PLXNA4: variants seen among roughly 807,000 people sequenced by gnomAD.
PLXNA4 encodes plexin-A4.
In PLXNA4, 44 loss-of-function variants were observed where a neutral mutation model predicts 191.8. That is an observed-to-expected ratio of 0.23 (90% CI 0.18 to 0.29). PLXNA4 has a LOEUF of 0.29. Among genes scored for constraint, PLXNA4 ranks in the 10% least tolerant of loss-of-function variants. The probability of loss-of-function intolerance (pLI) is 1.00; values close to 1 mark genes in which losing one functional copy is unlikely to be tolerated. For synonymous variants in PLXNA4, 1,082 were observed against 1,009.5 expected (o/e 1.07, Z -1.36); for missense variants, 1,800 against 2,488.8 (o/e 0.72, Z 5.89).
chr7:132,521,199 AAAAT>A (rs1799167911), intron 1 of PLXNA4, among the ~76,000 whole-genome samples: 1 of 151,726 alleles, frequency 6.6e-6, no homozygotes. Context: ...AAAAAAAAAA[AAAAT>A]TCAGAATGAC....
At chr7:132,399,209 G>A (rs992902550) in intron 3 of PLXNA4, among the ~76,000 whole-genome samples, 11 of 152,100 alleles carry the variant, frequency 7.2e-5, no homozygotes, top group Admixed American at 2.0e-4. Flanking sequence ...TCAAATGGGC[G>A]CAAGGGCTCA....
intron 3 of PLXNA4, among the ~76,000 whole-genome samples, chr7:132,342,818 G>T (rs1803082615): frequency 6.6e-6 from 1 of 151,902 alleles, no homozygotes; most frequent in Non-Finnish European, 1.5e-5. Flanking sequence ...ATGGTGCTGG[G>T]CACCTGTAAT....
chr7:132,161,494 T>A (rs571335792), intron 24 of PLXNA4, among the ~76,000 whole-genome samples: 2 of 152,312 alleles, frequency 1.3e-5, no homozygotes, highest in African/African-American at 2.4e-5. Context: ...CAAACGCTAA[T>A]GTGAATAGAA....
chr7:132,621,269 T>G lies in PLXNA4; in HGVS notation c.-87+24659A>C, dbSNP rs898035694. On this transcript the variant is annotated intron_variant, in intron 2 of 4. Coordinates refer to the PLXNA4 transcript ENST00000378539. ...TTGTTTTTTTTTTTTGGTTTTTTTGTTTTTTTTTTTAGATGGAGTCTCACT... is the reference window on the plus strand; with the variant it reads ...TTGTTTTTTTTTTTTGGTTTTTTTGGTTTTTTTTTTAGATGGAGTCTCACT... Among the ~76,000 whole-genome samples the G allele has an allele frequency of 8.9e-5, 9 of 101,070 alleles. 1 individual carries two copies. The highest frequency in any genetic ancestry group is 3.9e-4 in the African/African-American group (9 of 22,824). 66.3% of individuals were successfully genotyped at this position (101,070 alleles called of 152,430 possible).
chr7:132,591,884 C>A (rs903102622), intron 2 of PLXNA4, among the ~76,000 whole-genome samples: 18 of 152,124 alleles, frequency 1.2e-4, no homozygotes, highest in Non-Finnish European at 2.4e-4. Flanking sequence ...GGATTACAGG[C>A]GCTGCATCCT....
intron 3 of PLXNA4, among the ~76,000 whole-genome samples, chr7:132,452,278 G>T (rs193047306): frequency 6.6e-6 from 1 of 152,182 alleles, no homozygotes; most frequent in Non-Finnish European, 1.5e-5. Context: ...AGCATGGAGA[G>T]ATGGAAGAGA....
At chr7:132,461,621 C>T (rs556045726) in intron 3 of PLXNA4, among the ~76,000 whole-genome samples, 1 of 152,308 alleles carries the variant, frequency 6.6e-6, no homozygotes, top group East Asian at 1.9e-4. Context: ...CATCCATATC[C>T]TAATAAATGT....
chr7:132,625,266 C>T (rs1803348606), intron 2 of PLXNA4, among the ~76,000 whole-genome samples: 1 of 152,126 alleles, frequency 6.6e-6, no homozygotes, highest in Non-Finnish European at 1.5e-5. Flanking sequence ...AAAGCCCCTC[C>T]AGCCCAGCAC....
Position 132,130,517 on chromosome 7 carries a change from G to T in PLXNA4, c.5647C>A (p.Leu1883Ile). 5 of 1,614,210 alleles carry T rather than the reference G, an allele frequency of 3.1e-6. No individual in the cohort carries two copies. Among genetic ancestry groups the T allele is most frequent in the Non-Finnish European group, 4.2e-6 (5 of 1,180,046 alleles). Residue 1883 changes from leucine (L) to isoleucine (I), a missense_variant, in exon 32 of 32, where the codon CTA becomes ATA. Transcript: ENST00000321063. ...QCGKQKLAYK[L>I]EQVITLMSLD... ...CTCATGAGGGTTATGACTTGTTCTAGTTTGTAGGCCAGTTTCTGCTTCCCA... is the reference window on the plus strand; with the variant it reads ...CTCATGAGGGTTATGACTTGTTCTATTTTGTAGGCCAGTTTCTGCTTCCCA...
intron 3 of PLXNA4, among the ~76,000 whole-genome samples, chr7:132,470,217 A>G (rs958655997): frequency 6.6e-6 from 1 of 152,178 alleles, no homozygotes; most frequent in South Asian, 2.1e-4. Context: ...CAAGAGGGAG[A>G]GCTGACAGTT....
chr7:132,184,183 G>A (rs1289002893), intron 16 of PLXNA4, among the ~76,000 whole-genome samples: 1 of 152,202 alleles, frequency 6.6e-6, no homozygotes, highest in Non-Finnish European at 1.5e-5. Context: ...CCTGAGAACT[G>A]AAGCTGACAG....
intron 10 of PLXNA4, 92 bp from the exon 11 acceptor site, chr7:132,203,511 C>G: frequency 8.9e-7 from 1 of 1,127,916 alleles, no homozygotes; most frequent in Non-Finnish European, 1.3e-6. Context: ...CCGTTAAGAG[C>G]TCACAGGCTA....
At chr7:132,177,037 A>G (rs1383451066) in intron 20 of PLXNA4, among the ~76,000 whole-genome samples, 1 of 144,230 alleles carries the variant, frequency 6.9e-6, no homozygotes, top group Admixed American at 6.9e-5. Context: ...GTGTAAGTAT[A>G]TGTCAGTGTG....
rs955009605 is a variant in PLXNA4 at position 132,416,830 on chromosome 7, G to C, written c.1371+72462C>G. 3.9e-5 allele frequency among the ~76,000 whole-genome samples: 6 copies of C among 152,272 alleles called. 1 individual carries two copies. The South Asian group carries it at 6.2e-4, about 16-fold the overall frequency. Reference sequence around the variant, plus strand: ...TGTTTGGCTGGATGGAAGAGTGGATGGATGACACCTAACAGTTCTTCAACC... The same window carrying C: ...TGTTTGGCTGGATGGAAGAGTGGATCGATGACACCTAACAGTTCTTCAACC... On this transcript the variant is annotated intron_variant, in intron 3 of 31. Transcript: ENST00000321063.
chr7:132,365,360 T>TGTGTGTGTGTGTGCGCGCGCGC, intron 3 of PLXNA4, among the ~76,000 whole-genome samples: 3 of 128,828 alleles, frequency 2.3e-5, no homozygotes, highest in South Asian at 2.4e-4. Flanking sequence ...TGTGTGTGTG[T>TGTGTGTGTGTGTGCGCGCGCGC]GCGTGCGCGC....
intron 3 of PLXNA4, among the ~76,000 whole-genome samples, chr7:132,314,295 C>G (rs145427709): frequency 6.6e-6 from 1 of 152,260 alleles, no homozygotes; most frequent in East Asian, 1.9e-4. Context: ...ATTAAAAATC[C>G]AGAAATACCT....
intron 3 of PLXNA4, among the ~76,000 whole-genome samples, chr7:132,389,620 G>A (rs1365464202): frequency 6.6e-6 from 1 of 152,160 alleles, no homozygotes; most frequent in African/African-American, 2.4e-5. Flanking sequence ...CTGTTCCATT[G>A]GTCTAGATAT....
chr7:132,578,581 G>A (rs1375435761), upstream of PLXNA4, among the ~76,000 whole-genome samples: 1 of 152,190 alleles, frequency 6.6e-6, no homozygotes, highest in African/African-American at 2.4e-5. Flanking sequence ...AAGGAGCTGT[G>A]AGATGACAGC....
intron 1 of PLXNA4, among the ~76,000 whole-genome samples, chr7:132,528,893 G>A (rs1019945230): frequency 2.6e-5 from 4 of 152,192 alleles, no homozygotes; most frequent in African/African-American, 7.2e-5. Flanking sequence ...ACCAGAAGGC[G>A]AAAGCATCTC....
Sources: gnomAD v4.1 joint callset for allele counts (sites outside exome capture counted in the v4.1 genomes callset) on GRCh38, gnomAD v4.1.1 for gene constraint, MANE v1.5 for transcripts, NCBI Gene and HGNC (gene_info 2026-07-23, HGNC 2026-07-21) for gene names.